The following BEST2 variants were observed in gnomAD, a reference collection of about 807,000 sequenced individuals.
BEST2 encodes bestrophin-2a.
In BEST2, 36 loss-of-function variants were observed where a neutral mutation model predicts 49.0. That is an observed-to-expected ratio of 0.73 (90% CI 0.56 to 0.97). BEST2 has a LOEUF of 0.97. BEST2 is among the 50% of genes least tolerant of loss of function. The pLI is 0.00. For missense variants in BEST2, 672 were observed against 710.0 expected, an observed-to-expected ratio of 0.95 and a Z score of 0.61; for synonymous variants, 335 against 304.4, an observed-to-expected ratio of 1.10 and a Z score of -1.05.
intron 9 of BEST2, chr19:12,756,583 C>T: frequency 2.4e-6 from 1 of 416,568 alleles, no homozygotes; most frequent in Non-Finnish European, 4.4e-6. Flanking sequence ...CTGGCTCACG[C>T]CTGTAATCCC....
chr19:12,757,411 C>CAAAAT (rs769253797), intron 9 of BEST2, among the ~76,000 whole-genome samples: 21 of 151,950 alleles, frequency 1.4e-4, no homozygotes, highest in Admixed American at 5.2e-4. Flanking sequence ...GACTCCGTCT[C>CAAAAT]AAAATAAAAT....
At position 12,752,585 on chromosome 19, in the gene BEST2, G is replaced by A; in HGVS notation, c.-8G>A. On this transcript the variant is annotated 5_prime_UTR_variant, in exon 2 of 10. The change creates a new upstream start codon in the 5' untranslated region. Coordinates refer to ENST00000553030, the MANE Select transcript of BEST2 (RefSeq NM_017682.3). ...ACTCTCCCTTGGCCACACCTGCCGG[G>A]TGCCACGATGACCGTCACCTACACA... The A allele has an allele frequency of 6.2e-7, 1 of 1,610,976 alleles. No homozygotes were observed. Among genetic ancestry groups the A allele is most frequent in the Non-Finnish European group, 8.5e-7 (1 of 1,179,440 alleles).
At chr19:12,752,326 G>A (rs930161056) in intron 1 of BEST2, among the ~76,000 whole-genome samples, 5 of 151,872 alleles carry the variant, frequency 3.3e-5, no homozygotes, top group South Asian at 4.2e-4. Flanking sequence ...TTGGTGGTGG[G>A]GGACGGCAGT....
rs1599460270 is a variant in BEST2, at chr19:12,758,130, C to T, written c.*53C>T. 13 of 1,581,364 alleles carry T rather than the reference C, an allele frequency of 8.2e-6. No individual in the cohort carries two copies. The highest frequency in any genetic ancestry group is 1.9e-5 in the Admixed American group (1 of 53,714). On this transcript the variant is annotated 3_prime_UTR_variant, in exon 10 of 10. Transcript: ENST00000553030. ...AGGGAACCAGGTCCCTGCACGGCAC[C>T]CACGCAGGTGTCCCGGTCTGCATAA...
intron 9 of BEST2, chr19:12,756,635 C>G (rs1376964958): frequency 3.5e-6 from 1 of 288,238 alleles, no homozygotes; most frequent in Non-Finnish European, 6.7e-6. Context: ...TTTGAGCAAG[C>G]CCAGGAGTTC....
intron 9 of BEST2, 84 bp downstream of exon 9, chr19:12,756,379 T>A: frequency 6.6e-7 from 1 of 1,526,250 alleles, no homozygotes; most frequent in South Asian, 1.2e-5. Context: ...TTAAGTGGAA[T>A]CAATTCTGGA....
In BEST2 at chr19:12,755,607, C is replaced by T. The variant is rs776158987; in HGVS notation, c.715-8C>T. The T allele has an allele frequency of 3.7e-6, 6 of 1,612,212 alleles. No individual in the cohort carries two copies. The highest frequency in any genetic ancestry group is 4.2e-6 in the Non-Finnish European group (5 of 1,178,786). Reference sequence around the variant, plus strand: ...TGACCCCCCTGAGCCCTGCCCCGCCCTGCCCAGGTGGTGACCATCGCACTG... The same window carrying T: ...TGACCCCCCTGAGCCCTGCCCCGCCTTGCCCAGGTGGTGACCATCGCACTG... On this transcript the variant is annotated splice_polypyrimidine_tract_variant and splice_region_variant and intron_variant, in intron 6 of 9. Coordinates refer to ENST00000553030, the MANE Select transcript of BEST2 (RefSeq NM_017682.3). The surrounding 1 kb of genome is among the most constrained non-coding windows in gnomAD (Gnocchi z 4.4).
rs1475585144 is a variant in BEST2 at position 12,754,650 on chromosome 19, G to C, written c.346G>C (p.Gly116Arg). ...GTGCGTGGTGGCGGGCACCGTGCAC[G>C]GACGCGACGACCGCGGCCGCCTCTA... The part of the protein sequence containing the change: ...LMCVVAGTVH[G>R]RDDRGRLYRR... The change falls in exon 4 of 10, where the codon GGA (glycine) becomes CGA (arginine). Residue 116 changes from glycine to arginine, a missense_variant. Physicochemically the swap from Gly to Arg is moderately radical, Grantham distance 125. Around this residue, in one of 3 missense-constraint regions of BEST2, gnomAD observed 365 missense variants for 390.9 expected, o/e 0.93. Transcript: ENST00000553030. 6.4e-7 allele frequency: 1 copy of C among 1,560,282 alleles called. No individual in the cohort carries two copies. Among genetic ancestry groups the C allele is most frequent in the East Asian group, 2.4e-5 (1 of 41,656 alleles).
In BEST2 at chr19:12,757,679, C is replaced by A. The variant is rs1444186809; in HGVS notation, c.1132C>A (p.Arg378=). The part of the protein sequence containing the change: ...TLAKEDMQFQ[R]LDGLDGPMGE... ...GGCCAAAGAAGACATGCAGTTCCAGCGGCTGGACGGCTTGGATGGACCGAT... is the reference window on the plus strand; with the variant it reads ...GGCCAAAGAAGACATGCAGTTCCAGAGGCTGGACGGCTTGGATGGACCGAT... The change falls in exon 10 of 10, where the codon CGG becomes AGG. Residue 378 remains arginine (R), a synonymous_variant. Transcript: ENST00000553030. 58 of 1,543,682 alleles carry A rather than the reference C, an allele frequency of 3.8e-5. No individual in the cohort carries two copies. Among genetic ancestry groups the A allele is most frequent in the Non-Finnish European group, 4.4e-5 (51 of 1,148,890 alleles).
rs937042867 is a variant in BEST2 at position 12,752,530 on chromosome 19, C to A, written c.-51-12C>A. The A allele has an allele frequency of 7.1e-6, 11 of 1,557,764 alleles. No individual in the cohort carries two copies. Among genetic ancestry groups the A allele is most frequent in the Non-Finnish European group, 7.9e-6 (9 of 1,139,464 alleles). ...CTCAGTTATCCCCGCACCTCTCCAC[C>A]CACACCCGCAGCCCCCACCCGGGCC... On this transcript the variant is annotated splice_polypyrimidine_tract_variant and intron_variant, in intron 1 of 9. Transcript: ENST00000553030.
At position 12,755,010 on chromosome 19, in the gene BEST2, C is replaced by T. The variant is rs758767858; in HGVS notation, c.615C>T (p.Ser205=). The T allele has an allele frequency of 1.2e-6, 2 of 1,602,754 alleles. No individual in the cohort carries two copies. Among genetic ancestry groups the T allele is most frequent in the South Asian group, 1.1e-5 (1 of 89,474 alleles). The change falls in exon 5 of 10, where the codon AGC becomes AGT. Residue 205 remains serine (S), a synonymous_variant. Coordinates refer to ENST00000553030, the MANE Select transcript of BEST2 (RefSeq NM_017682.3). This position sits in a 1 kb window ranked among gnomAD's most constrained non-coding sequence, Gnocchi z 4.4. ...ARREGRIRDN[S]ALKLLLEELN... ...GCGAGGGCCGCATCCGCGACAACAG[C>T]GCCCTTAAGCTGCTGCTCGAGGTGG... is the stretch of plus-strand genomic sequence containing the variant.
In BEST2 at chr19:12,753,147, G is replaced by A. The variant is rs185140574; in HGVS notation, c.153-113G>A. On this transcript the variant is annotated intron_variant, in intron 2 of 9. Transcript: ENST00000553030. ...ATTACAGGTGTGACCCATAGCACCC[G>A]GCTGGGGGCAGCTATTATAAAAGAA... is the stretch of plus-strand genomic sequence containing the variant. The A allele has an allele frequency of 8.8e-4, 962 of 1,097,064 alleles. 1 individual carries two copies. Among genetic ancestry groups the A allele is most frequent in the Non-Finnish European group, 1.1e-3 (813 of 740,716 alleles). 68.0% of individuals were successfully genotyped at this position (1,097,064 alleles called of 1,614,324 possible).
chr19:12,756,124 T>C lies in BEST2; in HGVS notation c.949-17T>C. 6.2e-7 allele frequency: 1 copy of C among 1,614,176 alleles called. No individual in the cohort carries two copies. The highest frequency in any genetic ancestry group is 8.5e-7 in the Non-Finnish European group (1 of 1,179,996). On this transcript the variant is annotated splice_polypyrimidine_tract_variant and intron_variant, in intron 8 of 9. Coordinates refer to ENST00000553030, the MANE Select transcript of BEST2 (RefSeq NM_017682.3). ...GTTGCCCTGCCCCCACTTTACCCTG[T>C]GTGTTTGCACCCGTAGGTGTCCATG...
At position 12,755,482 on chromosome 19, in the gene BEST2, A is replaced by G. The variant is rs766677391; in HGVS notation, c.714+26A>G. 4.3e-6 allele frequency: 7 copies of G among 1,613,116 alleles called. No homozygotes were observed. The highest frequency in any genetic ancestry group is 5.9e-6 in the Non-Finnish European group (7 of 1,179,144). ...GTAACCCCATCATGCCTCTTTTTAT[A>G]TTCGGTGTCAGTGGCCCTGATGCCT... On this transcript the variant is annotated intron_variant, in intron 6 of 9. Transcript: ENST00000553030. This position sits in a 1 kb window ranked among gnomAD's most constrained non-coding sequence, Gnocchi z 4.4.
Position 12,756,261 on chromosome 19 carries a change from C to T in BEST2, c.1069C>T (p.Gln357Ter). The change falls in exon 9 of 10, where the codon CAG (glutamine) becomes TAG (stop). Residue 357 changes from glutamine to a stop codon, truncating the protein, a stop_gained. Coordinates refer to ENST00000553030, the MANE Select transcript of BEST2 (RefSeq NM_017682.3). LOFTEE classifies it low-confidence loss of function (END_TRUNC). ...YTAATVFQLRQPSFQGSTFDI... is the reference protein window; with the variant it reads ...YTAATVFQLR ...AGCGGCTACTGTCTTCCAGCTGCGG[C>T]AGCCTTCCTTCCAGGGCTCCACCTT... The T allele has an allele frequency of 1.2e-6, 2 of 1,613,848 alleles. No homozygotes were observed. Among genetic ancestry groups the T allele is most frequent in the Non-Finnish European group, 1.7e-6 (2 of 1,180,046 alleles).
chr19:12,754,948 T>A lies in BEST2; in HGVS notation c.553T>A (p.Cys185Ser). ...ATCCTACAACAAGTACTGGGTGCCCTGCGTCTGGTTCTCCAACCTGGCGGC... is the reference window on the plus strand; with the variant it reads ...ATCCTACAACAAGTACTGGGTGCCCAGCGTCTGGTTCTCCAACCTGGCGGC... ...NSSYNKYWVP[C>S]VWFSNLAAQA... The change falls in exon 5 of 10, where the codon TGC becomes AGC. Residue 185 changes from cysteine (C) to serine (S), a missense_variant. Transcript: ENST00000553030. 6.2e-7 allele frequency: 1 copy of A among 1,613,896 alleles called. No homozygotes were observed.
At position 12,757,781 on chromosome 19, in the gene BEST2, C is replaced by T. The variant is rs1967963206; in HGVS notation, c.1234C>T (p.Arg412Trp). The T allele has an allele frequency of 6.5e-7, 1 of 1,546,220 alleles. No individual in the cohort carries two copies. The highest frequency in any genetic ancestry group is 8.7e-7 in the Non-Finnish European group (1 of 1,146,112). ...CATGGTCGCGGGAGGCCCGCTGGGC[C>T]GGCGCCTGTCCTTTCTACTCCGCAA... Reference protein sequence around the residue: ...AGMVAGGPLGRRLSFLLRKNS... With the variant: ...AGMVAGGPLGWRLSFLLRKNS... Residue 412 changes from arginine to tryptophan, a missense_variant, in exon 10 of 10, where the codon CGG (arginine) becomes TGG (tryptophan). By Grantham distance (101) the Arg-to-Trp change is moderately radical. Around this residue, in one of 3 missense-constraint regions of BEST2, gnomAD observed 291 missense variants for 279.8 expected, o/e 1.04. Transcript: ENST00000553030.
intron 8 of BEST2, 69 bp downstream of exon 8, chr19:12,756,004 C>T: frequency 6.3e-7 from 1 of 1,589,968 alleles, no homozygotes; most frequent in Non-Finnish European, 8.6e-7. Context: ...GGGTTCTGGT[C>T]CCACCCCTGC....
chr19:12,757,948 T>G lies in BEST2; in HGVS notation c.1401T>G (p.Gly467=), dbSNP rs1599460076. The G allele has an allele frequency of 6.3e-7, 1 of 1,592,984 alleles. No homozygotes were observed. The highest frequency in any genetic ancestry group is 8.5e-7 in the Non-Finnish European group (1 of 1,171,892). The change falls in exon 10 of 10, where the codon GGT becomes GGG. Residue 467 remains glycine, a synonymous_variant. Coordinates refer to ENST00000553030, the MANE Select transcript of BEST2 (RefSeq NM_017682.3). The part of the protein sequence containing the change: ...LPEPEAPPPA[G]PEPLTLIPGP... ...AGCCCGAGGCCCCGCCCCCTGCGGG[T>G]CCCGAACCGCTTACCCTCATCCCTG...
Sources: gnomAD v4.1 joint callset for allele counts (sites outside exome capture counted in the v4.1 genomes callset) on GRCh38, gnomAD v4.1.1 for gene constraint, gnomAD v4.1.1 regional missense constraint, Gnocchi (gnomAD v3.1) non-coding constraint, MANE v1.5 for transcripts, NCBI Gene and HGNC (gene_info 2026-07-23, HGNC 2026-07-21) for gene names.